The following GNAS-AS1 variants were observed in gnomAD, a reference collection of about 807,000 sequenced individuals.
GNAS-AS1 encodes the protein GNAS antisense RNA 1, also known as GNAS antisense RNA 1 (non-protein coding).
intron 4 of GNAS-AS1, chr20:58,839,198 C>A (rs940785874): frequency 2.3e-5 from 9 of 398,428 alleles, no homozygotes; most frequent in Non-Finnish European, 3.5e-5. Flanking sequence ...AGGTAATTAG[C>A]CAATTCAGAC....
chr20:58,824,476 C>T (rs925856161), intron 4 of GNAS-AS1, among the ~76,000 whole-genome samples: 6 of 152,220 alleles, frequency 3.9e-5, no homozygotes, highest in Non-Finnish European at 7.3e-5. Flanking sequence ...TCAAAACAAC[C>T]TCCTTTTGCC....
chr20:58,838,036 A>G (rs1035846759), intron 4 of GNAS-AS1, among the ~76,000 whole-genome samples: 5 of 152,164 alleles, frequency 3.3e-5, no homozygotes, highest in Non-Finnish European at 7.3e-5. Flanking sequence ...TTTTTTTAAG[A>G]TTCCCCATAC....
chr20:58,832,613 T>C (rs984158043), intron 4 of GNAS-AS1, among the ~76,000 whole-genome samples: 36 of 152,160 alleles, frequency 2.4e-4, no homozygotes, highest in African/African-American at 8.5e-4. Context: ...ACTGGGAAAA[T>C]GTCGCAATTT....
intron 4 of GNAS-AS1, among the ~76,000 whole-genome samples, chr20:58,835,895 G>T (rs1410882483): frequency 6.6e-6 from 1 of 151,952 alleles, no homozygotes; most frequent in Non-Finnish European, 1.5e-5. Context: ...TTCAACAAGT[G>T]ATGAGTTGTG....
rs923222584 is a variant in GNAS-AS1 at position 58,825,987 on chromosome 20, C to T, written n.820-6732G>A. 17 of 398,274 alleles carry T rather than the reference C, an allele frequency of 4.3e-5. 1 individual carries two copies. The South Asian group carries it at 5.1e-4, about 12-fold the overall frequency. 24.7% of individuals were successfully genotyped at this position (398,274 alleles called of 1,614,324 possible). Reference sequence around the variant, plus strand: ...GCCCCAAGAAAGGTCTCTGAGAGTGCGCCATTCTCTTTCTCCTGAGCTTGC... The same window carrying T: ...GCCCCAAGAAAGGTCTCTGAGAGTGTGCCATTCTCTTTCTCCTGAGCTTGC... On this transcript the variant is annotated intron_variant and non_coding_transcript_variant, in intron 4 of 4. Coordinates refer to ENST00000424094, the Ensembl canonical transcript of GNAS-AS1.
chr20:58,826,863 C>CTTTTTTGTTTTTTTTTTTTTTT (rs2085524143), intron 4 of GNAS-AS1: 1 of 85,756 alleles, frequency 1.2e-5, no homozygotes, highest in Admixed American at 1.4e-4. Flanking sequence ...CCATGCCTGG[C>CTTTTTTGTTTTTTTTTTTTTTT]TTTTTTTTTT....
chr20:58,834,888 TC>T (rs2085592218), intron 4 of GNAS-AS1, among the ~76,000 whole-genome samples: 1 of 152,186 alleles, frequency 6.6e-6, no homozygotes, highest in African/African-American at 2.4e-5. Flanking sequence ...ACCAGCCATG[TC>T]AAAAAGGTGA....
At chr20:58,835,974 T>A (rs2085600085) in intron 4 of GNAS-AS1, among the ~76,000 whole-genome samples, 1 of 152,084 alleles carries the variant, frequency 6.6e-6, no homozygotes, top group Non-Finnish European at 1.5e-5. Context: ...ATTGCACACA[T>A]CTGTTTGCCC....
intron 2 of GNAS-AS1, among the ~76,000 whole-genome samples, chr20:58,846,065 G>C (rs1387805602): frequency 6.6e-6 from 1 of 152,198 alleles, no homozygotes; most frequent in Non-Finnish European, 1.5e-5. Context: ...AAAGTGGGGA[G>C]AGATTTAAGG....
Position 58,840,112 on chromosome 20 carries a change from T to C in GNAS-AS1, n.819+1825A>G, listed in dbSNP as rs2085660791. Reference sequence around the variant, plus strand: ...CTCGGTGTGTGCCTAAGAGGATGGATCGGAGGTCCCGGGCTCAGCAGTGGC... The same window carrying C: ...CTCGGTGTGTGCCTAAGAGGATGGACCGGAGGTCCCGGGCTCAGCAGTGGC... On this transcript the variant is annotated intron_variant and non_coding_transcript_variant, in intron 4 of 4. Coordinates refer to ENST00000424094, the Ensembl canonical transcript of GNAS-AS1. The surrounding 1 kb of genome is among the most constrained non-coding windows in gnomAD (Gnocchi z 6.0). 6.2e-7 allele frequency: 1 copy of C among 1,609,642 alleles called. No individual in the cohort carries two copies. The highest frequency in any genetic ancestry group is 8.5e-7 in the Non-Finnish European group (1 of 1,179,598).
chr20:58,826,065 T>C, intron 4 of GNAS-AS1: 1 of 398,668 alleles, frequency 2.5e-6, no homozygotes, highest in Non-Finnish European at 4.4e-6. Flanking sequence ...GATGAGCAAA[T>C]GTCACTTTCA....
At chr20:58,833,101 C>A (rs934674119) in intron 4 of GNAS-AS1, among the ~76,000 whole-genome samples, 1 of 152,254 alleles carries the variant, frequency 6.6e-6, no homozygotes, top group Non-Finnish European at 1.5e-5. Flanking sequence ...CCTAAATACA[C>A]AGATTATTGC....
At chr20:58,824,459 C>T (rs141576475) in intron 4 of GNAS-AS1, among the ~76,000 whole-genome samples, 1 of 152,370 alleles carries the variant, frequency 6.6e-6, no homozygotes, top group East Asian at 1.9e-4. Context: ...TCAGCAGCAG[C>T]TCAGCCTCAA....
intron 4 of GNAS-AS1, among the ~76,000 whole-genome samples, chr20:58,831,083 C>T (rs982699246): frequency 2.0e-5 from 3 of 152,130 alleles, no homozygotes; most frequent in African/African-American, 7.2e-5. Context: ...ATCTAACTGG[C>T]ACTACTAACT....
chr20:58,846,494 T>C (rs1288722353), intron 2 of GNAS-AS1, among the ~76,000 whole-genome samples: 1 of 152,216 alleles, frequency 6.6e-6, no homozygotes, highest in Non-Finnish European at 1.5e-5. Flanking sequence ...TTCATACAAG[T>C]ACTTCAATTG....
intron 4 of GNAS-AS1, among the ~76,000 whole-genome samples, chr20:58,822,732 C>T (rs1282829076): frequency 6.6e-6 from 1 of 152,196 alleles, no homozygotes; most frequent in Non-Finnish European, 1.5e-5. Context: ...ACTTAATTCT[C>T]TCCTGGCCCC....
Position 58,840,199 on chromosome 20 carries a change from G to C in GNAS-AS1, n.819+1738C>G. 1 of 1,611,156 alleles carries C rather than the reference G, an allele frequency of 6.2e-7. No homozygotes were observed. Among genetic ancestry groups the C allele is most frequent in the Non-Finnish European group, 8.5e-7 (1 of 1,179,878 alleles). The stretch of plus-strand genomic sequence containing the variant: ...CCATAGGCCGCCGGGCAGCCACCGC[G>C]CTCCTCTGGCTCTCCTGCTCCATCG... On this transcript the variant is annotated intron_variant and non_coding_transcript_variant, in intron 4 of 4. Coordinates refer to ENST00000424094, the Ensembl canonical transcript of GNAS-AS1. The surrounding 1 kb of genome is among the most constrained non-coding windows in gnomAD (Gnocchi z 6.0).
chr20:58,825,910 G>A (rs1035266117), intron 4 of GNAS-AS1: 6 of 393,814 alleles, frequency 1.5e-5, no homozygotes, highest in Non-Finnish European at 2.7e-5. Flanking sequence ...TGCTGCTGCT[G>A]CACAAAGCCA....
chr20:58,849,232 C>T (rs2145525809), intron 1 of GNAS-AS1, among the ~76,000 whole-genome samples: 1 of 152,190 alleles, frequency 6.6e-6, no homozygotes, highest in Admixed American at 6.5e-5. Context: ...TTGCCTGGCC[C>T]CAAATACCAC....
Sources: allele counts gnomAD v4.1 joint callset (sites outside exome capture counted in the v4.1 genomes callset), GRCh38; gene constraint gnomAD v4.1.1; non-coding constraint Gnocchi (gnomAD v3.1); transcripts MANE v1.5; gene names NCBI Gene and HGNC (gene_info 2026-07-23, HGNC 2026-07-21).